The following DOCK8 variants were observed in gnomAD, a reference collection of about 807,000 sequenced individuals.
DOCK8 encodes dedicator of cytokinesis 8.
In DOCK8, 141 loss-of-function variants were observed where a neutral mutation model predicts 245.6. The ratio of observed to expected loss-of-function variants is 0.57; its 90% CI spans 0.50 to 0.66. DOCK8 has a LOEUF of 0.66. DOCK8 is among the 30% of genes least tolerant of loss of function. DOCK8 has a pLI of 0.00. For missense variants in DOCK8, 2,965 were observed against 2,603.4 expected (o/e 1.14, Z -3.02); for synonymous variants, 1,168 against 970.2 (o/e 1.20, Z -3.79).
At chr9:241,224 G>T (rs576623182) in intron 1 of DOCK8, among the ~76,000 whole-genome samples, 3 of 152,148 alleles carry the variant, frequency 2.0e-5, no homozygotes, top group South Asian at 4.2e-4. Flanking sequence ...TCATTTCTTT[G>T]TATTGGGCAT....
At chr9:286,729 A>G in intron 3 of DOCK8, 93 bp downstream of exon 3, 1 of 1,175,076 alleles carries the variant, frequency 8.5e-7, no homozygotes, top group Non-Finnish European at 1.3e-6. Context: ...TGAACTTAAA[A>G]ATAAAATAAA....
intron 4 of DOCK8, among the ~76,000 whole-genome samples, chr9:298,941 T>A (rs1414554773): frequency 1.3e-5 from 2 of 151,748 alleles, no homozygotes; most frequent in East Asian, 3.9e-4. Context: ...ATGTGGGAAA[T>A]TTGAATTTTA....
chr9:299,554 C>T (rs1405596004), intron 4 of DOCK8, among the ~76,000 whole-genome samples: 2 of 151,978 alleles, frequency 1.3e-5, no homozygotes, highest in African/African-American at 4.8e-5. Flanking sequence ...TGAGCCACTG[C>T]ACCCAGCCTG....
At chr9:376,638 C>G (rs1292743559) in intron 19 of DOCK8, among the ~76,000 whole-genome samples, 1 of 152,148 alleles carries the variant, frequency 6.6e-6, no homozygotes, top group Non-Finnish European at 1.5e-5. Flanking sequence ...AAAGAAATTC[C>G]GTACTCTCTC....
chr9:399,373 C>T, intron 26 of DOCK8, 114 bp downstream of exon 26: 2 of 794,280 alleles, frequency 2.5e-6, no homozygotes, highest in Non-Finnish European at 4.4e-6. Flanking sequence ...GGCATGAATC[C>T]TACACATCCT....
At position 226,337 on chromosome 9, in the gene DOCK8, G is replaced by C. The variant is rs560221783; in HGVS notation, c.53+11308G>C. ...TTCAATTATCTCGCACAACATGTGG[G>C]GATTATGGGAGCTACAATTCAAGAT... On this transcript the variant is annotated intron_variant, in intron 1 of 47. Coordinates refer to ENST00000432829, the MANE Select transcript of DOCK8 (RefSeq NM_203447.4). Among the ~76,000 whole-genome samples, 9 of 152,198 alleles carry C rather than the reference G, an allele frequency of 5.9e-5. No homozygotes were observed. The South Asian group carries it at 1.5e-3, about 25-fold the overall frequency.
rs1330090606 is a variant in DOCK8, at chr9:390,465, A to G, written c.2875-6A>G. On this transcript the variant is annotated splice_polypyrimidine_tract_variant and splice_region_variant and intron_variant, in intron 23 of 47. Coordinates refer to ENST00000432829, the MANE Select transcript of DOCK8 (RefSeq NM_203447.4). ...TCACAGCCTAATTTTTGTGGTTCTT[A>G]TTTAGCATTTCCATGAGGAGCTTGC... The G allele has an allele frequency of 1.2e-6, 2 of 1,613,930 alleles. No homozygotes were observed. The highest frequency in any genetic ancestry group is 1.7e-5 in the Admixed American group (1 of 60,026).
intron 2 of DOCK8, chr9:280,924 G>A (rs563349611): frequency 6.6e-6 from 1 of 152,336 alleles, no homozygotes; most frequent in South Asian, 2.1e-4. Context: ...TGGTTTAGGA[G>A]CATTTGCATT....
intron 25 of DOCK8, among the ~76,000 whole-genome samples, chr9:398,555 T>A (rs957050120): frequency 2.0e-5 from 3 of 152,134 alleles, no homozygotes; most frequent in Non-Finnish European, 4.4e-5. Context: ...AAATTAAAAA[T>A]TTTAAAAATA....
intron 14 of DOCK8, among the ~76,000 whole-genome samples, chr9:352,751 T>A (rs1419567996): frequency 2.2e-5 from 1 of 46,378 alleles, no homozygotes. Context: ...AAAAAAAAAG[T>A]GCCGATACTT....
chr9:318,244 T>G (rs2050433358), intron 7 of DOCK8, among the ~76,000 whole-genome samples: 1 of 152,236 alleles, frequency 6.6e-6, no homozygotes, highest in African/African-American at 2.4e-5. Flanking sequence ...ATATTTTACC[T>G]AAGCAAAACT....
At chr9:408,876 A>AGTG (rs1441596581) in intron 28 of DOCK8, among the ~76,000 whole-genome samples, 5 of 70,568 alleles carry the variant, frequency 7.1e-5, no homozygotes, top group African/African-American at 2.4e-4. Context: ...ACACACACAC[A>AGTG]CACACACACA....
chr9:286,513 C>A lies in DOCK8; in HGVS notation c.209C>A (p.Thr70Lys). 1 of 1,614,058 alleles carries A rather than the reference C, an allele frequency of 6.2e-7. No individual in the cohort carries two copies. The highest frequency in any genetic ancestry group is 1.7e-5 in the Admixed American group (1 of 60,012). ...EPVDFEGLLM[T>K]HLNSLDVQLA... The stretch of plus-strand genomic sequence containing the variant: ...GTGGACTTTGAAGGACTTCTGATGA[C>A]ACACCTGAACAGCCTGGATGTGCAG... The change falls in exon 3 of 48, where the codon ACA becomes AAA. Residue 70 changes from threonine (T) to lysine (K), a missense_variant. This residue lies in a region of DOCK8 where 2,825 missense variants were observed against 2,453.5 expected (regional missense o/e 1.15). Transcript: ENST00000432829.
chr9:420,382 C>T lies in DOCK8; in HGVS notation c.3841-19C>T, dbSNP rs748283269. 12 of 1,614,032 alleles carry T rather than the reference C, an allele frequency of 7.4e-6. No individual in the cohort carries two copies. Among genetic ancestry groups the T allele is most frequent in the Non-Finnish European group, 9.3e-6 (11 of 1,180,030 alleles). On this transcript the variant is annotated intron_variant, in intron 30 of 47. Transcript: ENST00000432829. ...TGACTTCTTCCCTGGCCTCCATCCC[C>T]CAATCTGCCTCCCTTCAGCCCTATA...
At chr9:403,981 T>TATAC (rs1564021970) in intron 26 of DOCK8, among the ~76,000 whole-genome samples, 3 of 91,970 alleles carry the variant, frequency 3.3e-5, no homozygotes, top group African/African-American at 1.7e-4. Context: ...TATATGTGTA[T>TATAC]ATATATATAT....
At chr9:269,512 G>A (rs541611097) in intron 1 of DOCK8, among the ~76,000 whole-genome samples, 1 of 149,126 alleles carries the variant, frequency 6.7e-6, no homozygotes, top group African/African-American at 2.5e-5. Flanking sequence ...AGGCTGCTAC[G>A]AACATTCATG....
intron 25 of DOCK8, among the ~76,000 whole-genome samples, chr9:397,609 G>A (rs962361380): frequency 6.6e-6 from 1 of 151,590 alleles, no homozygotes; most frequent in African/African-American, 2.4e-5. Context: ...AGAATCGCTT[G>A]AGCCCAGGAG....
intron 4 of DOCK8, 63 bp from the exon 5 acceptor site, chr9:304,518 A>C: frequency 6.2e-7 from 1 of 1,606,902 alleles, no homozygotes; most frequent in Non-Finnish European, 8.5e-7. Flanking sequence ...TTTATTTTTA[A>C]TCTAATGGTT....
At chr9:281,559 A>C (rs893997110) in intron 2 of DOCK8, among the ~76,000 whole-genome samples, 1 of 152,116 alleles carries the variant, frequency 6.6e-6, no homozygotes, top group Non-Finnish European at 1.5e-5. Flanking sequence ...TCCCTGCTGA[A>C]ATGCAATGCC....
Sources: allele counts gnomAD v4.1 joint callset (sites outside exome capture counted in the v4.1 genomes callset), GRCh38; gene constraint gnomAD v4.1.1; regional missense constraint gnomAD v4.1.1; transcripts MANE v1.5; gene names NCBI Gene and HGNC (gene_info 2026-07-23, HGNC 2026-07-21).